ZNF804A: variants seen among roughly 807,000 people sequenced by gnomAD.
ZNF804A encodes zinc finger protein 804A.
In ZNF804A, 2 loss-of-function variants were observed where a neutral mutation model predicts 16.5. That is an observed-to-expected ratio of 0.12 (90% CI 0.05 to 0.38). The LOEUF is 0.38. Among genes scored for constraint, ZNF804A ranks in the 10% least tolerant of loss-of-function variants. ZNF804A has a pLI of 0.99. For missense variants in ZNF804A, 1,473 were observed against 1,390.7 expected (o/e 1.06, Z -0.94); for synonymous variants, 534 against 489.6 (o/e 1.09, Z -1.20).
intron 1 of ZNF804A, among the ~76,000 whole-genome samples, chr2:184,660,864 A>G (rs940787870): frequency 6.6e-6 from 1 of 152,242 alleles, no homozygotes; most frequent in Non-Finnish European, 1.5e-5. Context: ...ATTTATTTTA[A>G]AACTGCTATC....
intron 2 of ZNF804A, among the ~76,000 whole-genome samples, chr2:184,877,760 T>C (rs926491739): frequency 6.6e-6 from 1 of 152,086 alleles, no homozygotes. Context: ...AGAGTCAAAA[T>C]GCCAAGGATC....
At chr2:184,703,375 T>A (rs546924815) in intron 1 of ZNF804A, among the ~76,000 whole-genome samples, 1 of 152,080 alleles carries the variant, frequency 6.6e-6, no homozygotes, top group East Asian at 1.9e-4. Flanking sequence ...TGAACACATA[T>A]ACTCTAGTTA....
At chr2:184,822,294 C>T (rs903902667) in intron 1 of ZNF804A, among the ~76,000 whole-genome samples, 4 of 151,984 alleles carry the variant, frequency 2.6e-5, no homozygotes, top group Admixed American at 6.6e-5. Context: ...TTATCCTCAG[C>T]GAATTAATGC....
chr2:184,866,324 C>CAG (rs1558986779), intron 1 of ZNF804A, 45 bp from the exon 2 acceptor site: 1 of 1,596,406 alleles, frequency 6.3e-7, no homozygotes, highest in Admixed American at 1.7e-5. Flanking sequence ...AAAGTAAACA[C>CAG]AGGGGAGAGC....
At chr2:184,813,554 A>C (rs2105787740) in intron 1 of ZNF804A, among the ~76,000 whole-genome samples, 1 of 152,212 alleles carries the variant, frequency 6.6e-6, no homozygotes, top group Non-Finnish European at 1.5e-5. Context: ...TAACAGTATC[A>C]GGGGCAGAAT....
intron 1 of ZNF804A, among the ~76,000 whole-genome samples, chr2:184,768,575 G>A (rs1694164680): frequency 6.6e-6 from 1 of 152,030 alleles, no homozygotes; most frequent in African/African-American, 2.4e-5. Context: ...TTCTGTTTCA[G>A]TAGGTTTAAA....
intron 1 of ZNF804A, among the ~76,000 whole-genome samples, chr2:184,733,291 A>AT (rs767620990): frequency 2.0e-5 from 3 of 151,756 alleles, no homozygotes; most frequent in Non-Finnish European, 4.4e-5. Flanking sequence ...TGCTCCTGTG[A>AT]TTTTTTCTTC....
chr2:184,615,865 C>T (rs1255481373), intron 1 of ZNF804A, among the ~76,000 whole-genome samples: 4 of 152,090 alleles, frequency 2.6e-5, no homozygotes, highest in South Asian at 2.1e-4. Context: ...GGAGTCCCAG[C>T]GAGTCTTCAG....
intron 1 of ZNF804A, among the ~76,000 whole-genome samples, chr2:184,609,022 G>A (rs766252042): frequency 4.6e-5 from 7 of 152,042 alleles, no homozygotes; most frequent in African/African-American, 1.5e-4. Context: ...AGACACTTAC[G>A]AATTCAAGGA....
At chr2:184,871,813 A>C (rs1050956301) in intron 2 of ZNF804A, among the ~76,000 whole-genome samples, 1 of 152,032 alleles carries the variant, frequency 6.6e-6, no homozygotes, top group Non-Finnish European at 1.5e-5. Context: ...ATAAAAACAG[A>C]TGAAGAAAAA....
intron 1 of ZNF804A, among the ~76,000 whole-genome samples, chr2:184,708,628 A>G (rs1036923005): frequency 6.6e-6 from 1 of 152,172 alleles, no homozygotes; most frequent in Non-Finnish European, 1.5e-5. Context: ...AAATATTACT[A>G]AAATATTATA....
At chr2:184,899,771 TAAATC>T (rs1685147685) in intron 2 of ZNF804A, among the ~76,000 whole-genome samples, 1 of 151,932 alleles carries the variant, frequency 6.6e-6, no homozygotes, top group South Asian at 2.1e-4. Context: ...TGAATATAAA[TAAATC>T]AAATAATATA....
chr2:184,864,373 A>T (rs1197022917), intron 1 of ZNF804A, among the ~76,000 whole-genome samples: 1 of 152,190 alleles, frequency 6.6e-6, no homozygotes, highest in Non-Finnish European at 1.5e-5. Flanking sequence ...ATCTGCCCTT[A>T]TCACCCAAAC....
chr2:184,936,015 A>G lies in ZNF804A; in HGVS notation c.619A>G (p.Ile207Val). The change falls in exon 4 of 4, where the codon ATT becomes GTT. Residue 207 changes from isoleucine to valine, a missense_variant. By Grantham distance (29) the Ile-to-Val change is conservative. Coordinates refer to ENST00000302277, the MANE Select transcript of ZNF804A (RefSeq NM_194250.2). ...CCAAGTTGGGGATCAAGCCCAGGGG[A>G]TTCACAGACACAAAATCGGCTTTTC... ...NNQVGDQAQGIHRHKIGFSFA... is the reference protein window; with the variant it reads ...NNQVGDQAQGVHRHKIGFSFA... 1 of 1,614,086 alleles carries G rather than the reference A, an allele frequency of 6.2e-7. No individual in the cohort carries two copies. Among genetic ancestry groups the G allele is most frequent in the Non-Finnish European group, 8.5e-7 (1 of 1,179,962 alleles).
At chr2:184,605,784 T>A (rs1043670542) in intron 1 of ZNF804A, among the ~76,000 whole-genome samples, 3 of 152,154 alleles carry the variant, frequency 2.0e-5, no homozygotes, top group Admixed American at 6.5e-5. Flanking sequence ...CCCATGGATA[T>A]GCAGAGATAA....
chr2:184,793,997 AT>A (rs1694592144), intron 1 of ZNF804A, among the ~76,000 whole-genome samples: 1 of 151,996 alleles, frequency 6.6e-6, no homozygotes, highest in Non-Finnish European at 1.5e-5. Flanking sequence ...CTGGCTCCAC[AT>A]TTTTGCTATT....
chr2:184,935,286 G>A (rs765839093), intron 3 of ZNF804A, among the ~76,000 whole-genome samples: 3 of 151,918 alleles, frequency 2.0e-5, no homozygotes, highest in Non-Finnish European at 4.4e-5. Context: ...ATACCAATTG[G>A]GCTATAGTAG....
chr2:184,921,167 C>G (rs576738313), intron 2 of ZNF804A, among the ~76,000 whole-genome samples: 1 of 152,188 alleles, frequency 6.6e-6, no homozygotes, highest in South Asian at 2.1e-4. Flanking sequence ...TATTATTCAC[C>G]TCTCAAAATT....
chr2:184,657,311 T>G (rs2105704052), intron 1 of ZNF804A, among the ~76,000 whole-genome samples: 1 of 152,256 alleles, frequency 6.6e-6, no homozygotes, highest in African/African-American at 2.4e-5. Context: ...AGTCTCGAAC[T>G]CCTGGACTCA....
Sources: gnomAD v4.1 joint callset for allele counts (sites outside exome capture counted in the v4.1 genomes callset) on GRCh38, gnomAD v4.1.1 for gene constraint, MANE v1.5 for transcripts, NCBI Gene and HGNC (gene_info 2026-07-23, HGNC 2026-07-21) for gene names.